Variants in MYRIP observed in about 807,000 individuals in gnomAD.
MYRIP encodes rab effector MyRIP.
Under a neutral mutation model 98.0 loss-of-function variants are expected in MYRIP, and 49 were observed. The observed-to-expected ratio is 0.50, with a 90% CI of 0.40 to 0.63. The LOEUF is 0.63. MYRIP is among the 30% of genes least tolerant of loss of function. The pLI is 0.00. For missense variants in MYRIP, 1,004 were observed against 1,058.2 expected (o/e 0.95, Z 0.71); for synonymous variants, 404 against 409.5 (o/e 0.99, Z 0.16).
Position 40,203,414 on chromosome 3 carries a change from TG to T in MYRIP, c.1666-6438del, listed in dbSNP as rs550227187. Among the ~76,000 whole-genome samples the T allele has an allele frequency of 2.4e-4, 36 of 151,978 alleles. No homozygotes were observed. The South Asian group carries it at 6.8e-3, about 29-fold the overall frequency. On this transcript the variant is annotated intron_variant, in intron 10 of 16. Transcript: ENST00000302541. ...TATAAGAATGGAGAGCTTACACACA[TG>T]GCAGCACCCAGCTGTGGGGCTGAGG...
intron 10 of MYRIP, among the ~76,000 whole-genome samples, chr3:40,192,335 A>ATATATTTT: frequency 7.6e-6 from 1 of 132,340 alleles, no homozygotes; most frequent in Admixed American, 7.8e-5. Flanking sequence ...TGTCATATAT[A>ATATATTTT]TATATGTCAT....
At chr3:40,245,515 G>A (rs368359274) in intron 13 of MYRIP, among the ~76,000 whole-genome samples, 2 of 151,758 alleles carry the variant, frequency 1.3e-5, no homozygotes, top group African/African-American at 4.8e-5. Context: ...CGGGAGTGGT[G>A]GCGGGCGCCT....
At chr3:39,847,502 A>C (rs1250598402) in intron 1 of MYRIP, among the ~76,000 whole-genome samples, 1 of 152,170 alleles carries the variant, frequency 6.6e-6, no homozygotes, top group Non-Finnish European at 1.5e-5. Context: ...GCTGGTACTC[A>C]TAACTACCCT....
intron 3 of MYRIP, among the ~76,000 whole-genome samples, chr3:40,114,161 C>T (rs1208691975): frequency 6.6e-6 from 1 of 152,182 alleles, no homozygotes; most frequent in Non-Finnish European, 1.5e-5. Flanking sequence ...CAACATACTG[C>T]ATATACAACA....
chr3:40,222,625 T>C (rs1034556042), intron 11 of MYRIP, among the ~76,000 whole-genome samples: 1 of 145,814 alleles, frequency 6.9e-6, no homozygotes, highest in Non-Finnish European at 1.5e-5. Flanking sequence ...AGTGAGGGGA[T>C]AGTGGAATTG....
At chr3:39,943,798 T>C (rs949782588) in intron 2 of MYRIP, among the ~76,000 whole-genome samples, 1 of 152,176 alleles carries the variant, frequency 6.6e-6, no homozygotes, top group African/African-American at 2.4e-5. Context: ...CCGCTGCTAT[T>C]ATGTTGCAGT....
At chr3:39,835,694 T>C (rs1377330534) in intron 1 of MYRIP, among the ~76,000 whole-genome samples, 1 of 152,166 alleles carries the variant, frequency 6.6e-6, no homozygotes, top group Non-Finnish European at 1.5e-5. Flanking sequence ...GCTGTACCTA[T>C]CAACCTGTTA....
chr3:40,177,550 T>C (rs772055602), intron 8 of MYRIP, among the ~76,000 whole-genome samples: 1 of 152,238 alleles, frequency 6.6e-6, no homozygotes, highest in Non-Finnish European at 1.5e-5. Context: ...CCCATCCAGA[T>C]GGGATTTCTC....
intron 2 of MYRIP, among the ~76,000 whole-genome samples, chr3:40,037,442 C>T (rs1947408053): frequency 6.6e-6 from 1 of 152,052 alleles, no homozygotes; most frequent in South Asian, 2.1e-4. Flanking sequence ...TTCCCTTTGG[C>T]TTAGTGGGTT....
At chr3:39,981,029 G>C (rs1945881048) in intron 2 of MYRIP, among the ~76,000 whole-genome samples, 1 of 152,142 alleles carries the variant, frequency 6.6e-6, no homozygotes, top group African/African-American at 2.4e-5. Flanking sequence ...TTTAAAAACA[G>C]TTAAGGTGGT....
At chr3:39,943,514 G>A (rs1944836134) in intron 2 of MYRIP, among the ~76,000 whole-genome samples, 1 of 151,982 alleles carries the variant, frequency 6.6e-6, no homozygotes, top group South Asian at 2.1e-4. Context: ...CATATGCTGT[G>A]GTGCCTCTGC....
intron 3 of MYRIP, among the ~76,000 whole-genome samples, chr3:40,143,925 C>A (rs1393276478): frequency 4.6e-5 from 7 of 152,340 alleles, no homozygotes; most frequent in Middle Eastern, 3.4e-3. Context: ...TGATTCTACT[C>A]TGAGACTTGA....
chr3:40,061,775 C>G (rs945586438), intron 3 of MYRIP, among the ~76,000 whole-genome samples: 17 of 151,984 alleles, frequency 1.1e-4, no homozygotes, highest in Admixed American at 1.1e-3. Flanking sequence ...GTTTGTTTAA[C>G]TTTTTATAAT....
chr3:39,923,853 G>A (rs1157678084), intron 2 of MYRIP, among the ~76,000 whole-genome samples: 3 of 151,938 alleles, frequency 2.0e-5, no homozygotes, highest in African/African-American at 7.3e-5. Flanking sequence ...TTGTGAATGG[G>A]GTAAAGGAAC....
chr3:40,060,136 A>G (rs1053025239), intron 3 of MYRIP, among the ~76,000 whole-genome samples: 3 of 152,168 alleles, frequency 2.0e-5, no homozygotes, highest in Admixed American at 2.0e-4. Flanking sequence ...AACATCAAAA[A>G]TTGAGTCTTT....
At chr3:39,884,136 C>T (rs1203003424) in intron 1 of MYRIP, among the ~76,000 whole-genome samples, 1 of 152,010 alleles carries the variant, frequency 6.6e-6, no homozygotes, top group African/African-American at 2.4e-5. Flanking sequence ...TGACTAGAAA[C>T]CAGTAGAATA....
chr3:39,863,894 C>G, intron 1 of MYRIP, among the ~76,000 whole-genome samples: 1 of 151,916 alleles, frequency 6.6e-6, no homozygotes, highest in East Asian at 1.9e-4. Context: ...GATGCAAAAA[C>G]CCTCAAAAAA....
rs79597732 is a variant in MYRIP, at chr3:40,098,348, T to A, written c.333-52700T>A. Among the ~76,000 whole-genome samples, 904 of 152,316 alleles carry A rather than the reference T, an allele frequency of 5.9e-3. 8 individuals carry two copies. The highest frequency in any genetic ancestry group is 0.02 in the African/African-American group (849 of 41,570). ...ATGAACCCATTTGTAATGCAATACATTCCATAAAAGTGTGAGCAGAATTTT... is the reference window on the plus strand; with the variant it reads ...ATGAACCCATTTGTAATGCAATACAATCCATAAAAGTGTGAGCAGAATTTT... On this transcript the variant is annotated intron_variant, in intron 3 of 16. Coordinates refer to ENST00000302541, the MANE Select transcript of MYRIP (RefSeq NM_015460.4).
chr3:40,113,450 G>T (rs1390017445), intron 3 of MYRIP, among the ~76,000 whole-genome samples: 5 of 151,444 alleles, frequency 3.3e-5, no homozygotes, highest in Non-Finnish European at 7.4e-5. Context: ...CAGCCAAGAA[G>T]AAAGTTTATT....
Sources: gnomAD v4.1 joint callset for allele counts (sites outside exome capture counted in the v4.1 genomes callset) on GRCh38, gnomAD v4.1.1 for gene constraint, MANE v1.5 for transcripts, NCBI Gene and HGNC (gene_info 2026-07-23, HGNC 2026-07-21) for gene names.